Variants in PCDHGB4 observed in about 807,000 individuals in gnomAD.
PCDHGB4 encodes protocadherin gamma-B4.
A neutral mutation model predicts 60.5 loss-of-function variants in PCDHGB4; 38 were observed. That is an observed-to-expected ratio of 0.63 (90% CI 0.48 to 0.82). The LOEUF (loss-of-function observed/expected upper bound fraction) is 0.82, where lower values mean the gene tolerates loss of function less well. Ranked by LOEUF, PCDHGB4 falls within the 40% of genes least tolerant of loss-of-function variation. The pLI is 0.00. For synonymous variants in PCDHGB4, 456 were observed against 509.7 expected, an observed-to-expected ratio of 0.89 and a Z score of 1.42; for missense variants, 1,109 against 1,209.6, an observed-to-expected ratio of 0.92 and a Z score of 1.23.
chr5:141,486,505 T>C lies in PCDHGB4; in HGVS notation c.2398-8302T>C. The C allele has an allele frequency of 6.2e-7, 1 of 1,614,156 alleles. No individual in the cohort carries two copies. ...GTACCCACAGAACTATTTTCCTCAA[T>C]ATTTCAGATGTGAATGATAATCCAC... is the stretch of plus-strand genomic sequence containing the variant. On this transcript the variant is annotated intron_variant, in intron 1 of 3. Coordinates refer to ENST00000519479, the MANE Select transcript of PCDHGB4 (RefSeq NM_003736.4). The surrounding 1 kb of genome is among the most constrained non-coding windows in gnomAD (Gnocchi z 5.0).
At chr5:141,428,021 C>G (rs1185050109) in intron 1 of PCDHGB4, 1 of 1,605,486 alleles carries the variant, frequency 6.2e-7, no homozygotes, top group Admixed American at 1.7e-5. Flanking sequence ...TGCCACGCGC[C>G]GCAGAGTCCG....
intron 1 of PCDHGB4, chr5:141,430,781 C>A: frequency 6.6e-7 from 1 of 1,510,922 alleles, no homozygotes; most frequent in Non-Finnish European, 8.8e-7. Context: ...GCGACTGCAC[C>A]GGGACTACAA....
intron 1 of PCDHGB4, among the ~76,000 whole-genome samples, chr5:141,443,609 T>C (rs2098396115): frequency 1.3e-5 from 2 of 152,260 alleles, no homozygotes; most frequent in African/African-American, 4.8e-5. Flanking sequence ...GAAATGTTCT[T>C]ATAATCAGGT....
intron 1 of PCDHGB4, chr5:141,400,251 C>T (rs2093990443): frequency 6.2e-7 from 1 of 1,614,014 alleles, no homozygotes; most frequent in Non-Finnish European, 8.5e-7. Flanking sequence ...TGGCCGTTGC[C>T]TTGCGCCTGC....
rs765249445 is a variant in PCDHGB4, at chr5:141,489,754, C to T, written c.2398-5053C>T. ...CACCAATACTGTGAGCTTTTACACT[C>T]TAAGCCCCAACAGCCACTTCTCTCT... is the stretch of plus-strand genomic sequence containing the variant. On this transcript the variant is annotated intron_variant, in intron 1 of 3. Coordinates refer to ENST00000519479, the MANE Select transcript of PCDHGB4 (RefSeq NM_003736.4). The surrounding 1 kb of genome is among the most constrained non-coding windows in gnomAD (Gnocchi z 4.5). The T allele has an allele frequency of 4.0e-5, 64 of 1,613,992 alleles. No individual in the cohort carries two copies. The South Asian group carries it at 6.8e-4, about 17-fold the overall frequency.
chr5:141,414,466 G>A, intron 1 of PCDHGB4: 1 of 1,613,872 alleles, frequency 6.2e-7, no homozygotes, highest in Non-Finnish European at 8.5e-7. Flanking sequence ...AGCCACAGAT[G>A]GGGGAAGTCC....
chr5:141,476,336 C>G lies in PCDHGB4; in HGVS notation c.2398-18471C>G, dbSNP rs1228900349. The G allele has an allele frequency of 2.5e-6, 4 of 1,614,008 alleles. No individual in the cohort carries two copies. The highest frequency in any genetic ancestry group is 2.2e-5 in the East Asian group (1 of 44,854). ...GTTCCGGGTGGTGTCTGGAGCTAGC[C>G]GAAGATTCTTTGAGGTGAACCGGGA... On this transcript the variant is annotated intron_variant, in intron 1 of 3. Coordinates refer to ENST00000519479, the MANE Select transcript of PCDHGB4 (RefSeq NM_003736.4). The surrounding 1 kb of genome is among the most constrained non-coding windows in gnomAD (Gnocchi z 7.6).
Position 141,487,910 on chromosome 5 carries a change from C to T in PCDHGB4, c.2398-6897C>T, listed in dbSNP as rs2099668803. The T allele has an allele frequency of 3.0e-6, 2 of 661,468 alleles. No individual in the cohort carries two copies. Among genetic ancestry groups the T allele is most frequent in the Non-Finnish European group, 5.1e-6 (2 of 388,904 alleles). The allele number at this position is 661,468 out of a possible 1,614,324, so 41.0% of individuals were successfully genotyped here. ...AGCATGATGATGGAATGTGGGAGCA[C>T]AGGAGGCTACAGTGCACAGGGTACA... On this transcript the variant is annotated intron_variant, in intron 1 of 3. Transcript: ENST00000519479. The surrounding 1 kb of genome is among the most constrained non-coding windows in gnomAD (Gnocchi z 5.0).
chr5:141,432,706 C>T lies in PCDHGB4; in HGVS notation c.2397+42425C>T, dbSNP rs761752571. ...GCCTCGTAGTGGCCGTCCAGGACCA[C>T]GGCCAGCCCCCTCTCTCCGCCACTG... On this transcript the variant is annotated intron_variant, in intron 1 of 3. Transcript: ENST00000519479. The surrounding 1 kb of genome is among the most constrained non-coding windows in gnomAD (Gnocchi z 6.0). 10 of 1,613,870 alleles carry T rather than the reference C, an allele frequency of 6.2e-6. No homozygotes were observed. The East Asian group carries it at 1.1e-4, about 18-fold the overall frequency.
intron 1 of PCDHGB4, among the ~76,000 whole-genome samples, chr5:141,420,713 G>GT (rs1303648273): frequency 3.3e-5 from 5 of 152,078 alleles, no homozygotes; most frequent in African/African-American, 1.2e-4. Context: ...CAGAAATGTC[G>GT]TTCCTTTCAG....
At position 141,489,157 on chromosome 5, in the gene PCDHGB4, C is replaced by A. The variant is rs1222682069; in HGVS notation, c.2398-5650C>A. 1.0e-6 allele frequency: 1 copy of A among 984,444 alleles called. No homozygotes were observed. The highest frequency in any genetic ancestry group is 1.6e-5 in the African/African-American group (1 of 61,296). The allele number at this position is 984,444 out of a possible 1,614,324, so 61.0% of individuals were successfully genotyped here. On this transcript the variant is annotated intron_variant, in intron 1 of 3. Coordinates refer to ENST00000519479, the MANE Select transcript of PCDHGB4 (RefSeq NM_003736.4). This position sits in a 1 kb window ranked among gnomAD's most constrained non-coding sequence, Gnocchi z 4.5. ...AGAGGCTGGAAGGAGACATAAGAGA[C>A]TTCAGCTGCTGCATTCCAAGCCCTG...
intron 1 of PCDHGB4, chr5:141,403,564 G>A (rs2094422320): frequency 2.5e-6 from 4 of 1,613,834 alleles, no homozygotes; most frequent in Non-Finnish European, 2.5e-6. Context: ...ACAGGGAGGA[G>A]GCAACTGCCC....
intron 1 of PCDHGB4, chr5:141,408,068 C>G: frequency 7.3e-7 from 1 of 1,367,282 alleles, no homozygotes; most frequent in Non-Finnish European, 9.7e-7. Flanking sequence ...GCTGCGCAGA[C>G]CTTTCCCAGC....
chr5:141,409,748 G>C, intron 1 of PCDHGB4: 2 of 1,613,018 alleles, frequency 1.2e-6, no homozygotes, highest in South Asian at 2.2e-5. Context: ...GGTGGTGTTC[G>C]CGCAGCGCGC....
Position 141,486,092 on chromosome 5 carries a change from C to G in PCDHGB4, c.2398-8715C>G. ...TACTGGAAAGCTTACTCTTTTGGGG[C>G]CCCTAGACTTTGAGAGTGAGAATTA... On this transcript the variant is annotated intron_variant, in intron 1 of 3. Transcript: ENST00000519479. The surrounding 1 kb of genome is among the most constrained non-coding windows in gnomAD (Gnocchi z 5.0). The G allele has an allele frequency of 6.2e-7, 1 of 1,614,148 alleles. No individual in the cohort carries two copies. Among genetic ancestry groups the G allele is most frequent in the South Asian group, 1.1e-5 (1 of 91,080 alleles).
chr5:141,399,719 G>C (rs773556952), intron 1 of PCDHGB4: 1 of 1,613,286 alleles, frequency 6.2e-7, no homozygotes, highest in Non-Finnish European at 8.5e-7. Context: ...CTACAGGCCC[G>C]CGACCAGGGC....
chr5:141,499,689 C>CTTTT (rs545067566), intron 2 of PCDHGB4, among the ~76,000 whole-genome samples: 17 of 119,848 alleles, frequency 1.4e-4, no homozygotes, highest in East Asian at 2.4e-4. Context: ...TAACAGATGA[C>CTTTT]TTTTTTTTTT....
intron 2 of PCDHGB4, among the ~76,000 whole-genome samples, chr5:141,503,203 A>G (rs10477147): frequency 0.037 from 5,590 of 152,130 alleles, 132 homozygotes; most frequent in South Asian, 0.073. Flanking sequence ...TCAGCCTCTC[A>G]GTGCCCACCA....
Position 141,388,590 on chromosome 5 carries a change from A to G in PCDHGB4, c.706A>G (p.Asn236Asp). Residue 236 changes from asparagine to aspartate, a missense_variant, in exon 1 of 4, where the codon AAT becomes GAT. Physicochemically the swap from Asn to Asp is conservative, Grantham distance 23 (BLOSUM62 1). Coordinates refer to ENST00000519479, the MANE Select transcript of PCDHGB4 (RefSeq NM_003736.4). ...AQIHVLVTDA[N>D]DNAPVFSQDV... ...GATACACGTTCTAGTGACTGATGCC[A>G]ATGATAATGCTCCAGTGTTCAGTCA... is the stretch of plus-strand genomic sequence containing the variant. 9 of 1,613,920 alleles carry G rather than the reference A, an allele frequency of 5.6e-6. No homozygotes were observed. Among genetic ancestry groups the G allele is most frequent in the Non-Finnish European group, 7.6e-6 (9 of 1,179,898 alleles).
Sources: allele counts gnomAD v4.1 joint callset (sites outside exome capture counted in the v4.1 genomes callset), GRCh38; gene constraint gnomAD v4.1.1; non-coding constraint Gnocchi (gnomAD v3.1); transcripts MANE v1.5; gene names NCBI Gene and HGNC (gene_info 2026-07-23, HGNC 2026-07-21).